Variants in PKD1L3 observed in about 807,000 individuals in gnomAD.
PKD1L3 encodes polycystin-1-like protein 3.
In PKD1L3, 239 loss-of-function variants were observed where a neutral mutation model predicts 184.1. That is an observed-to-expected ratio of 1.30 (90% CI 1.17 to 1.45). The LOEUF is 1.45. Ranked by LOEUF, PKD1L3 falls within the 40% of genes most tolerant of loss-of-function variation. The pLI is 0.00. For synonymous variants in PKD1L3, 996 were observed against 778.8 expected, an observed-to-expected ratio of 1.28 and a Z score of -4.64; for missense variants, 2,660 against 2,067.2, an observed-to-expected ratio of 1.29 and a Z score of -5.56.
intron 14 of PKD1L3, 128 bp downstream of exon 14, chr16:71,967,778 T>G (rs1348449191): frequency 2.5e-6 from 2 of 811,536 alleles, no homozygotes; most frequent in African/African-American, 3.5e-5. Context: ...ATGTACAGTT[T>G]AGAACTAGAA....
At chr16:71,947,874 A>T (rs2038679430) in intron 21 of PKD1L3, among the ~76,000 whole-genome samples, 1 of 151,964 alleles carries the variant, frequency 6.6e-6, no homozygotes, top group South Asian at 2.1e-4. Flanking sequence ...TCTATTCAAT[A>T]ACATCTCTCA....
chr16:71,929,709 A>G (rs565630047), intron 29 of PKD1L3, 31 bp from the exon 30 acceptor site: 186 of 1,502,378 alleles, frequency 1.2e-4, no homozygotes, highest in Non-Finnish European at 1.6e-4. Context: ...GAGAAAAGTG[A>G]GAAAATTGAA....
Position 71,980,278 on chromosome 16 carries a change from C to T in PKD1L3, c.1144-144G>A. On this transcript the variant is annotated intron_variant, in intron 7 of 29. Transcript: ENST00000620267. The stretch of plus-strand genomic sequence containing the variant: ...TTCCTTAGAGAGGACCTTGGAATCT[C>T]ACAGAAAGTACTTGCAACCTGGCTA... 5 of 1,162,644 alleles carry T rather than the reference C, an allele frequency of 4.3e-6. No individual in the cohort carries two copies. In the South Asian group the frequency reaches 4.9e-5, roughly 11 times the overall value. The allele number at this position is 1,162,644 out of a possible 1,614,324, so 72.0% of individuals were successfully genotyped here.
intron 12 of PKD1L3, 59 bp downstream of exon 12, chr16:71,973,265 A>C (rs753786330): frequency 1.3e-6 from 2 of 1,501,668 alleles, no homozygotes; most frequent in Non-Finnish European, 1.8e-6. Flanking sequence ...TAACGGATGC[A>C]TTGGGCTTAA....
In PKD1L3 at chr16:71,973,457, T is replaced by C. The variant is rs545784646; in HGVS notation, c.1820A>G (p.Tyr607Cys). Residue 607 changes from tyrosine (Y) to cysteine (C), a missense_variant, in exon 12 of 30, where the codon TAT becomes TGT. By Grantham distance (194) the Tyr-to-Cys change is radical. Coordinates refer to ENST00000620267, the MANE Select transcript of PKD1L3 (RefSeq NM_181536.2). ...CCTCTCACTCAGCACAGCTGTTATA[T>C]AGTAGGTGCCAATCCCGTGCTGCAG... is the stretch of plus-strand genomic sequence containing the variant. ...EHLQHGIGTY[Y>C]ITAVLSERQE... 220 of 1,551,868 alleles carry C rather than the reference T, an allele frequency of 1.4e-4. 5 individuals carry two copies. The highest frequency in any genetic ancestry group is 1.3e-3 in the South Asian group (111 of 84,058).
In PKD1L3 at chr16:71,967,932, G is replaced by T; in HGVS notation, c.2260C>A (p.Arg754=). The change falls in exon 14 of 30, where the codon CGA becomes AGA. Residue 754 remains arginine, a synonymous_variant. Transcript: ENST00000620267. ...HYLIQVYTGY[R]RSAATTAKVV... Reference sequence around the variant, plus strand: ...TTAGCTGTTGTAGCAGCGCTTCTTCGATATCCGGTGTAGACCTGAATAAGG... The same window carrying T: ...TTAGCTGTTGTAGCAGCGCTTCTTCTATATCCGGTGTAGACCTGAATAAGG... The T allele has an allele frequency of 6.4e-7, 1 of 1,551,394 alleles. No homozygotes were observed. Among genetic ancestry groups the T allele is most frequent in the Non-Finnish European group, 8.7e-7 (1 of 1,146,732 alleles).
At chr16:71,973,288 C>G (rs981536022) in intron 12 of PKD1L3, 36 bp downstream of exon 12, 40 of 1,542,414 alleles carry the variant, frequency 2.6e-5, no homozygotes, top group Non-Finnish European at 3.1e-5. Flanking sequence ...GTAGCTATGG[C>G]AGAAGAGAGG....
Position 71,969,953 on chromosome 16 carries a change from T to TG in PKD1L3, c.2105dup (p.Leu703ThrfsTer34). On this transcript the variant is annotated frameshift_variant, in exon 13 of 30. Coordinates refer to ENST00000620267, the MANE Select transcript of PKD1L3 (RefSeq NM_181536.2). LOFTEE classifies it high-confidence loss of function. ...AAAATCCTAAAAGGCTGGCCAGCAG[T>TG]GACACCCCAACAGGATTGTTGGTCA... The TG allele has an allele frequency of 6.4e-7, 1 of 1,551,912 alleles. No homozygotes were observed. The highest frequency in any genetic ancestry group is 8.7e-7 in the Non-Finnish European group (1 of 1,147,034).
intron 4 of PKD1L3, 99 bp downstream of exon 4, chr16:71,990,180 AT>A: frequency 9.9e-7 from 1 of 1,006,644 alleles, no homozygotes; most frequent in Non-Finnish European, 1.4e-6. Flanking sequence ...TTAGAAAACT[AT>A]ATTCAGAACA....
rs778995098 is a variant in PKD1L3, at chr16:71,949,761, G to T, written c.3618+22C>A. 51 of 1,540,270 alleles carry T rather than the reference G, an allele frequency of 3.3e-5. No individual in the cohort carries two copies. The Admixed American group carries it at 5.5e-4, about 17-fold the overall frequency. ...TCCCCTAACTTCTGCAACTCCAATG[G>T]TTCTTCCCATCCCTCACATACCTTT... is the stretch of plus-strand genomic sequence containing the variant. On this transcript the variant is annotated intron_variant, in intron 21 of 29. Transcript: ENST00000620267.
At chr16:71,961,665 G>T (rs776751867) in intron 16 of PKD1L3, among the ~76,000 whole-genome samples, 1 of 152,034 alleles carries the variant, frequency 6.6e-6, no homozygotes, top group Non-Finnish European at 1.5e-5. Flanking sequence ...CTAACACAGA[G>T]GAGCTTACAG....
At chr16:71,995,473 A>G (rs1329510909) in intron 2 of PKD1L3, among the ~76,000 whole-genome samples, 4 of 151,880 alleles carry the variant, frequency 2.6e-5, no homozygotes, top group Non-Finnish European at 4.4e-5. Flanking sequence ...AACCATTTTC[A>G]TTAGTTTTTG....
chr16:71,944,580 G>T (rs1267486644), intron 22 of PKD1L3, among the ~76,000 whole-genome samples: 1 of 152,146 alleles, frequency 6.6e-6, no homozygotes, highest in Non-Finnish European at 1.5e-5. Flanking sequence ...CTACTAGGGA[G>T]ACTGAGGTGA....
chr16:71,951,779 T>A (rs1025240011), intron 18 of PKD1L3, 35 bp from the exon 19 acceptor site: 4 of 1,523,456 alleles, frequency 2.6e-6, no homozygotes, highest in Non-Finnish European at 3.5e-6. Flanking sequence ...AATCAGCCTG[T>A]TTTTCATTAA....
At position 71,979,932 on chromosome 16, in the gene PKD1L3, T is replaced by C. The variant is rs765187013; in HGVS notation, c.1272-20A>G. 6.4e-7 allele frequency: 1 copy of C among 1,550,642 alleles called. No homozygotes were observed. The highest frequency in any genetic ancestry group is 8.7e-7 in the Non-Finnish European group (1 of 1,146,804). On this transcript the variant is annotated intron_variant, in intron 8 of 29. Coordinates refer to ENST00000620267, the MANE Select transcript of PKD1L3 (RefSeq NM_181536.2). ...TTTTGTCTAATGAGAAAAGTTAAAA[T>C]GGAAGTCAATTTTTGTGTGTCCTCT... is the stretch of plus-strand genomic sequence containing the variant.
intron 7 of PKD1L3, 75 bp downstream of exon 7, chr16:71,981,984 A>G (rs954838134): frequency 1.9e-5 from 25 of 1,350,262 alleles, no homozygotes; most frequent in Non-Finnish European, 2.3e-5. Context: ...GTCTGGGGAG[A>G]GGCTGTGATA....
rs547302170 is a variant in PKD1L3 at position 71,986,273 on chromosome 16, G to C, written c.782C>G (p.Pro261Arg). The C allele has an allele frequency of 6.4e-7, 1 of 1,552,206 alleles. No individual in the cohort carries two copies. The highest frequency in any genetic ancestry group is 1.2e-5 in the South Asian group (1 of 84,056). ...TTGTAGATAAGAGGTGAAGGTATTC[G>C]GATGACCTTCTTCCTTTGGGCTTGA... ...TTSSPKEEGH[P>R]NTFTSYLQVS... Residue 261 changes from proline (P) to arginine (R), a missense_variant, in exon 5 of 30, where the codon CCG becomes CGG. Pro to Arg is a moderately radical substitution (Grantham distance 103, BLOSUM62 -2). Transcript: ENST00000620267.
In PKD1L3 at chr16:71,930,143, A is replaced by C; in HGVS notation, c.4967T>G (p.Leu1656Arg). 6.4e-7 allele frequency: 1 copy of C among 1,551,556 alleles called. No individual in the cohort carries two copies. The highest frequency in any genetic ancestry group is 8.7e-7 in the Non-Finnish European group (1 of 1,146,832). Reference protein sequence around the residue: ...LDPVLGTFLILTSVILMVLVV... With the variant: ...LDPVLGTFLIRTSVILMVLVV... ...AAGTACCATCAAGATGACACTGGTGAGGATCAGAAAGGTGCCCAGGACTGG... is the reference window on the plus strand; with the variant it reads ...AAGTACCATCAAGATGACACTGGTGCGGATCAGAAAGGTGCCCAGGACTGG... Residue 1656 changes from leucine (L) to arginine (R), a missense_variant, in exon 29 of 30, where the codon CTC (leucine) becomes CGC (arginine). By Grantham distance (102) the Leu-to-Arg change is moderately radical. Coordinates refer to ENST00000620267, the MANE Select transcript of PKD1L3 (RefSeq NM_181536.2).
At chr16:71,998,682 C>A (rs1195695272) in intron 1 of PKD1L3, among the ~76,000 whole-genome samples, 1 of 152,100 alleles carries the variant, frequency 6.6e-6, no homozygotes, top group Non-Finnish European at 1.5e-5. Context: ...AACTCCTGAT[C>A]TCAGGTGATC....
Sources: gnomAD v4.1 joint callset for allele counts (sites outside exome capture counted in the v4.1 genomes callset) on GRCh38, gnomAD v4.1.1 for gene constraint, MANE v1.5 for transcripts, NCBI Gene and HGNC (gene_info 2026-07-23, HGNC 2026-07-21) for gene names.